SLC35F1: variants seen among roughly 807,000 people sequenced by gnomAD.
The protein encoded by SLC35F1 is chromosome 6 open reading frame 169.
A neutral mutation model predicts 48.7 loss-of-function variants in SLC35F1; 14 were observed. The observed-to-expected ratio is 0.29, with a 90% CI of 0.19 to 0.45. The LOEUF is 0.45. Among genes scored for constraint, SLC35F1 ranks in the 20% least tolerant of loss-of-function variants. The pLI, the probability that SLC35F1 is intolerant of heterozygous loss-of-function variation, is 1.00. For missense variants in SLC35F1, 404 were observed against 500.0 expected, an observed-to-expected ratio of 0.81 and a Z score of 1.83; for synonymous variants, 190 against 202.2, an observed-to-expected ratio of 0.94 and a Z score of 0.51.
intron 6 of SLC35F1, among the ~76,000 whole-genome samples, chr6:118,280,606 A>G (rs1203352798): frequency 1.3e-5 from 2 of 152,218 alleles, no homozygotes; most frequent in East Asian, 3.9e-4. Flanking sequence ...GGCCAGGTGC[A>G]GTGGCTCACA....
intron 1 of SLC35F1, among the ~76,000 whole-genome samples, chr6:118,046,689 G>C (rs1772306718): frequency 6.6e-6 from 1 of 152,106 alleles, no homozygotes; most frequent in African/African-American, 2.4e-5. Context: ...GATATTGCAA[G>C]CACTCCATAT....
chr6:118,162,233 G>A (rs1774247667), intron 2 of SLC35F1, among the ~76,000 whole-genome samples: 1 of 152,166 alleles, frequency 6.6e-6, no homozygotes, highest in Admixed American at 6.5e-5. Flanking sequence ...AATCTCAAAA[G>A]CATTACACTA....
intron 2 of SLC35F1, among the ~76,000 whole-genome samples, chr6:118,210,116 C>G (rs1453706510): frequency 1.3e-5 from 2 of 152,090 alleles, no homozygotes; most frequent in East Asian, 1.9e-4. Context: ...AAATATGTGC[C>G]CCTTCAGAGC....
At chr6:117,987,166 C>T (rs1376000685) in intron 1 of SLC35F1, among the ~76,000 whole-genome samples, 2 of 152,190 alleles carry the variant, frequency 1.3e-5, no homozygotes, top group African/African-American at 4.8e-5. Context: ...TATATGTGCA[C>T]ATCTGCTTCG....
chr6:118,006,406 C>G (rs912399303), intron 1 of SLC35F1, among the ~76,000 whole-genome samples: 1 of 152,018 alleles, frequency 6.6e-6, no homozygotes, highest in Non-Finnish European at 1.5e-5. Flanking sequence ...TGTTTGAGAC[C>G]AGGTGTTCAA....
chr6:118,235,214 T>C lies in SLC35F1; in HGVS notation c.350-295T>C, dbSNP rs538603050. 3.3e-5 allele frequency among the ~76,000 whole-genome samples: 5 copies of C among 152,312 alleles called. No homozygotes were observed. In the South Asian group the frequency reaches 8.3e-4, roughly 25 times the overall value. ...CACCTTTCCTTTCATTTTCATATGA[T>C]GTAATTATGTTATCCTTCATTTATT... On this transcript the variant is annotated intron_variant, in intron 2 of 7. Transcript: ENST00000360388.
At chr6:118,227,337 T>C (rs1057436495) in intron 2 of SLC35F1, among the ~76,000 whole-genome samples, 3 of 152,182 alleles carry the variant, frequency 2.0e-5, no homozygotes, top group Non-Finnish European at 4.4e-5. Context: ...GAGGAGTTGC[T>C]CAAAAACAGG....
intron 2 of SLC35F1, among the ~76,000 whole-genome samples, chr6:118,217,845 C>T (rs371121052): frequency 1.2e-4 from 18 of 152,236 alleles, no homozygotes; most frequent in East Asian, 1.2e-3. Flanking sequence ...TTTTCTCTCC[C>T]GGAAATTTCA....
intron 3 of SLC35F1, among the ~76,000 whole-genome samples, chr6:118,246,033 C>T (rs1222135971): frequency 1.3e-5 from 2 of 152,110 alleles, no homozygotes; most frequent in Non-Finnish European, 2.9e-5. Flanking sequence ...TATGGACTTC[C>T]TTGTCTCCCT....
chr6:118,308,428 T>C (rs1776336891), intron 7 of SLC35F1, among the ~76,000 whole-genome samples: 1 of 152,190 alleles, frequency 6.6e-6, no homozygotes, highest in Non-Finnish European at 1.5e-5. Context: ...GACCAGTCGC[T>C]CTACATGGAA....
chr6:118,055,849 TG>T (rs1257202688), intron 1 of SLC35F1, among the ~76,000 whole-genome samples: 2 of 152,220 alleles, frequency 1.3e-5, no homozygotes, highest in Non-Finnish European at 2.9e-5. Context: ...GTCAGTATCC[TG>T]GAACCAATCC....
intron 1 of SLC35F1, among the ~76,000 whole-genome samples, chr6:118,059,633 C>T (rs1772509092): frequency 6.6e-6 from 1 of 152,158 alleles, no homozygotes; most frequent in South Asian, 2.1e-4. Flanking sequence ...GTGGGAAGTA[C>T]CATCACCACC....
intron 2 of SLC35F1, among the ~76,000 whole-genome samples, chr6:118,221,122 T>G (rs1405703966): frequency 6.6e-6 from 1 of 152,162 alleles, no homozygotes; most frequent in Non-Finnish European, 1.5e-5. Context: ...CTTATTATTA[T>G]CTACCTAACT....
At chr6:118,244,813 C>T (rs1775486344) in intron 3 of SLC35F1, among the ~76,000 whole-genome samples, 1 of 152,210 alleles carries the variant, frequency 6.6e-6, no homozygotes, top group African/African-American at 2.4e-5. Flanking sequence ...AATGCAGAAA[C>T]AATTCATCTT....
rs1774855530 is a variant in SLC35F1 at position 118,200,176 on chromosome 6, ATACATAC to A, written c.350-35332_350-35326del. Among the ~76,000 whole-genome samples, 3 of 151,944 alleles carry A rather than the reference ATACATAC, an allele frequency of 2.0e-5. 1 individual carries two copies. The South Asian group carries it at 6.2e-4, about 32-fold the overall frequency. On this transcript the variant is annotated intron_variant, in intron 2 of 7. Coordinates refer to ENST00000360388, the MANE Select transcript of SLC35F1 (RefSeq NM_001029858.4). ...CATACATATATACATACATACATAC[ATACATAC>A]ATACATACATACATACATACATAGC...
In SLC35F1 at chr6:118,285,314, T is replaced by C. The variant is rs761103076; in HGVS notation, c.978T>C (p.Cys326=). 4.3e-6 allele frequency: 7 copies of C among 1,613,978 alleles called. No homozygotes were observed. The highest frequency in any genetic ancestry group is 1.7e-5 in the Admixed American group (1 of 60,010). ...CAGCAGACTTGTACAGCCTGTTCTGTGGATTGTTTCTCTTCCACTACAAGG... is the reference window on the plus strand; with the variant it reads ...CAGCAGACTTGTACAGCCTGTTCTGCGGATTGTTTCTCTTCCACTACAAGG... ...LLTADLYSLF[C]GLFLFHYKFS... is the part of the protein sequence containing the mutation. Residue 326 remains cysteine, a synonymous_variant, in exon 7 of 8, where the codon TGT becomes TGC. Transcript: ENST00000360388.
chr6:118,257,749 T>C (rs1301830248), intron 3 of SLC35F1, among the ~76,000 whole-genome samples: 1 of 152,134 alleles, frequency 6.6e-6, no homozygotes, highest in African/African-American at 2.4e-5. Flanking sequence ...AATGAAAACA[T>C]AGTACTATAC....
At chr6:117,961,714 A>T (rs865833320) in intron 1 of SLC35F1, among the ~76,000 whole-genome samples, 1 of 152,196 alleles carries the variant, frequency 6.6e-6, no homozygotes, top group Non-Finnish European at 1.5e-5. Flanking sequence ...ATACAATCCA[A>T]CATATACAAA....
chr6:118,251,472 T>A (rs989337412), intron 3 of SLC35F1, among the ~76,000 whole-genome samples: 7 of 151,612 alleles, frequency 4.6e-5, no homozygotes, highest in African/African-American at 1.7e-4. Context: ...CAGCATGGAG[T>A]TTAAAGGAGG....
Sources: gnomAD v4.1 joint callset for allele counts (sites outside exome capture counted in the v4.1 genomes callset) on GRCh38, gnomAD v4.1.1 for gene constraint, MANE v1.5 for transcripts, NCBI Gene and HGNC (gene_info 2026-07-23, HGNC 2026-07-21) for gene names.